Variants in PCDHB9 observed in about 807,000 individuals in gnomAD.
PCDHB9 encodes protocadherin beta-9.
For synonymous variants in PCDHB9, 501 were observed against 439.7 expected (o/e 1.14, Z -1.75); for missense variants, 1,072 against 995.1 (o/e 1.08, Z -1.04).
Position 141,189,781 on chromosome 5 carries a change from C to T in PCDHB9, c.*69C>T. 7.6e-7 allele frequency: 1 copy of T among 1,316,816 alleles called. No homozygotes were observed. The highest frequency in any genetic ancestry group is 1.0e-6 in the Non-Finnish European group (1 of 955,290). 81.6% of individuals were successfully genotyped at this position (1,316,816 alleles called of 1,614,324 possible). A position where few individuals can be genotyped will look rare whatever the true frequency, so the allele number is the denominator to read the frequency against. On this transcript the variant is annotated 3_prime_UTR_variant, in exon 1 of 1. Coordinates refer to ENST00000316105, the MANE Select transcript of PCDHB9 (RefSeq NM_019119.5). ...TTGTTGGCTAACTAAATTGTGTATG[C>T]CCACCACAAAGAAGGTACTATTTTT...
In PCDHB9 at chr5:141,191,027, G is replaced by A. The variant is rs1260452469; in HGVS notation, c.*1315G>A. 1 of 152,160 alleles carries A rather than the reference G, an allele frequency of 6.6e-6. No homozygotes were observed. The highest frequency in any genetic ancestry group is 1.5e-5 in the Non-Finnish European group (1 of 68,072). The allele number at this position is 152,160 out of a possible 1,614,324, so 9.4% of individuals were successfully genotyped here. On this transcript the variant is annotated 3_prime_UTR_variant, in exon 1 of 1. Transcript: ENST00000316105. ...CCCAGCACTTTGGGAGGCCAAGGCG[G>A]GCAGATCACCTTAGGTCACGAGTTT...
chr5:141,188,022 T>G lies in PCDHB9; in HGVS notation c.704T>G (p.Val235Gly). Residue 235 changes from valine (V) to glycine (G), a missense_variant, in exon 1 of 1, where the codon GTC becomes GGC. Transcript: ENST00000316105. ...ACTATACGCATTGTGGTCTTGGATG[T>G]CAATGACAATGTCCCACAGTTTGCC... ...TSTIRIVVLD[V>G]NDNVPQFAQA... is the part of the protein sequence containing the mutation. 6.2e-7 allele frequency: 1 copy of G among 1,614,048 alleles called. No individual in the cohort carries two copies. Among genetic ancestry groups the G allele is most frequent in the South Asian group, 1.1e-5 (1 of 91,070 alleles).
Position 141,189,355 on chromosome 5 carries a change from C to A in PCDHB9, c.2037C>A (p.Ala679=), listed in dbSNP as rs782641634. ...PYLPLPEAAP[A]QAQADLLTVY... The stretch of plus-strand genomic sequence containing the variant: ...TGCCTCTCCCGGAGGCGGCCCCGGC[C>A]CAGGCCCAGGCCGACTTGCTCACCG... Residue 679 remains alanine, a synonymous_variant, in exon 1 of 1, where the codon GCC becomes GCA. Transcript: ENST00000316105. The A allele has an allele frequency of 6.2e-7, 1 of 1,611,402 alleles. No individual in the cohort carries two copies. Among genetic ancestry groups the A allele is most frequent in the Non-Finnish European group, 8.5e-7 (1 of 1,179,796 alleles).
rs1554283133 is a variant in PCDHB9 at position 141,188,822 on chromosome 5, T to C, written c.1504T>C (p.Ser502Pro). The C allele has an allele frequency of 1.9e-6, 3 of 1,612,770 alleles. No homozygotes were observed. Among genetic ancestry groups the C allele is most frequent in the Admixed American group, 3.3e-5 (2 of 60,000 alleles). ...CCAGGACCCACACCTGCCCCTCGCC[T>C]CCCTGGTCTCCATCAACGCGGACAA... ...PPQDPHLPLA[S>P]LVSINADNGH... The change falls in exon 1 of 1, where the codon TCC becomes CCC. Residue 502 changes from serine (S) to proline (P), a missense_variant. Physicochemically the swap from Ser to Pro is moderately conservative, Grantham distance 74. Transcript: ENST00000316105.
chr5:141,187,945 C>T lies in PCDHB9; in HGVS notation c.627C>T (p.Ser209=), dbSNP rs782526917. The T allele has an allele frequency of 3.1e-6, 5 of 1,614,150 alleles. No individual in the cohort carries two copies. The highest frequency in any genetic ancestry group is 4.2e-6 in the Non-Finnish European group (5 of 1,180,026). ...ALDREEQEEL[S]LTLTALDGGS... ...ATCGGGAGGAGCAGGAAGAGCTCAG[C>T]TTAACCCTCACAGCGCTGGATGGTG... Residue 209 remains serine (S), a synonymous_variant, in exon 1 of 1, where the codon AGC becomes AGT. Transcript: ENST00000316105.
Position 141,187,256 on chromosome 5 carries a change from T to A in PCDHB9, c.-63T>A. The A allele has an allele frequency of 1.3e-6, 2 of 1,515,984 alleles. No homozygotes were observed. The highest frequency in any genetic ancestry group is 1.8e-6 in the Non-Finnish European group (2 of 1,116,458). The allele number at this position is 1,515,984 out of a possible 1,614,324, so 93.9% of individuals were successfully genotyped here. A position where few individuals can be genotyped will look rare whatever the true frequency, so the allele number is the denominator to read the frequency against. Reference sequence around the variant, plus strand: ...GATCTCTGGTACACATAAGTCTGGGTTTGCGATTGCTATTTGTGCTGGGGC... The same window carrying A: ...GATCTCTGGTACACATAAGTCTGGGATTGCGATTGCTATTTGTGCTGGGGC... On this transcript the variant is annotated 5_prime_UTR_variant, in exon 1 of 1. Coordinates refer to ENST00000316105, the MANE Select transcript of PCDHB9 (RefSeq NM_019119.5).
Position 141,188,426 on chromosome 5 carries a change from A to G in PCDHB9, c.1108A>G (p.Ile370Val). 1 of 1,614,166 alleles carries G rather than the reference A, an allele frequency of 6.2e-7. No individual in the cohort carries two copies. Among genetic ancestry groups the G allele is most frequent in the South Asian group, 1.1e-5 (1 of 91,082 alleles). ...SPGIVLAVFK[I>V]KDRDSGENGK... ...TGGGATAGTATTGGCTGTTTTTAAG[A>G]TTAAAGACAGAGACTCCGGAGAAAA... The change falls in exon 1 of 1, where the codon ATT becomes GTT. Residue 370 changes from isoleucine (I) to valine (V), a missense_variant. Coordinates refer to ENST00000316105, the MANE Select transcript of PCDHB9 (RefSeq NM_019119.5).
In PCDHB9 at chr5:141,189,496, G is replaced by T; in HGVS notation, c.2178G>T (p.Ser726=). ...RSRAASVGRC[S]VPEGPFPGHL... ...GGGCGGCCTCGGTGGGTCGCTGCTC[G>T]GTGCCCGAGGGTCCTTTTCCAGGGC... is the stretch of plus-strand genomic sequence containing the variant. The change falls in exon 1 of 1, where the codon TCG becomes TCT. Residue 726 remains serine (S), a synonymous_variant. Coordinates refer to ENST00000316105, the MANE Select transcript of PCDHB9 (RefSeq NM_019119.5). The T allele has an allele frequency of 6.2e-7, 1 of 1,613,198 alleles. No homozygotes were observed. The highest frequency in any genetic ancestry group is 8.5e-7 in the Non-Finnish European group (1 of 1,179,890).
In PCDHB9 at chr5:141,187,171, A is replaced by G. The variant is rs1554282717; in HGVS notation, c.-148A>G. 8.6e-7 allele frequency: 1 copy of G among 1,159,384 alleles called. No homozygotes were observed. The allele number at this position is 1,159,384 out of a possible 1,614,324, so 71.8% of individuals were successfully genotyped here. On this transcript the variant is annotated 5_prime_UTR_variant, in exon 1 of 1. The change abolishes an upstream ATG in the 5' untranslated region. Coordinates refer to ENST00000316105, the MANE Select transcript of PCDHB9 (RefSeq NM_019119.5). ...TGACAAAAAGGAAACACTGAGACAG[A>G]TGGGCTGAGAAGAAGAGCTGTCGAG...
rs781922585 is a variant in PCDHB9 at position 141,189,499 on chromosome 5, G to A, written c.2181G>A (p.Val727=). Residue 727 remains valine (V), a synonymous_variant, in exon 1 of 1, where the codon GTG becomes GTA. Coordinates refer to ENST00000316105, the MANE Select transcript of PCDHB9 (RefSeq NM_019119.5). ...SRAASVGRCS[V]PEGPFPGHLV... is the part of the protein sequence containing the mutation. ...CGGCCTCGGTGGGTCGCTGCTCGGTGCCCGAGGGTCCTTTTCCAGGGCATC... is the reference window on the plus strand; with the variant it reads ...CGGCCTCGGTGGGTCGCTGCTCGGTACCCGAGGGTCCTTTTCCAGGGCATC... 6.2e-7 allele frequency: 1 copy of A among 1,613,356 alleles called. No individual in the cohort carries two copies. The highest frequency in any genetic ancestry group is 8.5e-7 in the Non-Finnish European group (1 of 1,179,918).
chr5:141,188,144 G>C lies in PCDHB9; in HGVS notation c.826G>C (p.Glu276Gln), dbSNP rs1753786905. 25 of 1,611,670 alleles carry C rather than the reference G, an allele frequency of 1.6e-5. No individual in the cohort carries two copies. Among genetic ancestry groups the C allele is most frequent in the Non-Finnish European group, 2.1e-5 (25 of 1,178,640 alleles). The change falls in exon 1 of 1, where the codon GAA (glutamate) becomes CAA (glutamine). Residue 276 changes from glutamate (E) to glutamine (Q), a missense_variant. Physicochemically the swap from Glu to Gln is conservative, Grantham distance 29. Transcript: ENST00000316105. ...AGDADSGVNA[E>Q]VSYSFFDASE... is the part of the protein sequence containing the mutation. ...AGATGCAGACTCAGGAGTCAATGCA[G>C]AAGTATCCTATTCATTTTTTGATGC...
Position 141,188,367 on chromosome 5 carries a change from C to A in PCDHB9, c.1049C>A (p.Ser350Ter), listed in dbSNP as rs1302405292. 2 of 1,613,994 alleles carry A rather than the reference C, an allele frequency of 1.2e-6. No individual in the cohort carries two copies. Among genetic ancestry groups the A allele is most frequent in the African/African-American group, 1.3e-5 (1 of 75,032 alleles). The part of the protein sequence containing the change: ...SNDNPPELII[S>*]SLSNSVAENS... ...GACAATCCTCCTGAACTGATCATAT[C>A]ATCACTTTCCAACTCTGTTGCTGAA... Residue 350 changes from serine (S) to a stop codon, truncating the protein, a stop_gained, in exon 1 of 1, where the codon TCA becomes TAA. Coordinates refer to ENST00000316105, the MANE Select transcript of PCDHB9 (RefSeq NM_019119.5). LOFTEE classifies it low-confidence loss of function (END_TRUNC).
In PCDHB9 at chr5:141,189,289, G is replaced by A; in HGVS notation, c.1971G>A (p.Thr657=). ...AGCCTCCTCGCTCGGCCACCGCCAC[G>A]CTGCACGTGCTCCTGGTGGACGGCT... The part of the protein sequence containing the change: ...NGEPPRSATA[T]LHVLLVDGFS... Residue 657 remains threonine (T), a synonymous_variant, in exon 1 of 1, where the codon ACG becomes ACA. Transcript: ENST00000316105. 2 of 1,609,094 alleles carry A rather than the reference G, an allele frequency of 1.2e-6. No homozygotes were observed. The highest frequency in any genetic ancestry group is 1.7e-6 in the Non-Finnish European group (2 of 1,179,734).
chr5:141,187,569 T>C lies in PCDHB9; in HGVS notation c.251T>C (p.Leu84Ser). ...YLLLDSHTGN[L>S]LTNEKLDREK... Reference sequence around the variant, plus strand: ...CTCCTGGATTCACATACCGGGAATTTGCTCACAAATGAGAAACTGGACCGA... The same window carrying C: ...CTCCTGGATTCACATACCGGGAATTCGCTCACAAATGAGAAACTGGACCGA... Residue 84 changes from leucine (L) to serine (S), a missense_variant, in exon 1 of 1, where the codon TTG (leucine) becomes TCG (serine). Leu to Ser is a moderately radical substitution (Grantham distance 145, BLOSUM62 -2). Transcript: ENST00000316105. 6.2e-7 allele frequency: 1 copy of C among 1,609,234 alleles called. No homozygotes were observed. The highest frequency in any genetic ancestry group is 8.5e-7 in the Non-Finnish European group (1 of 1,176,374).
Position 141,188,623 on chromosome 5 carries a change from C to G in PCDHB9, c.1305C>G (p.His435Gln), listed in dbSNP as rs782199629. ...GGACACCCAGGCTGAAAACCGAGCA[C>G]AGCATAACCCTGCAGGTCTCCGACG... The part of the protein sequence containing the change: ...DLGTPRLKTE[H>Q]SITLQVSDVN... The change falls in exon 1 of 1, where the codon CAC becomes CAG. Residue 435 changes from histidine (H) to glutamine (Q), a missense_variant. His to Gln is a conservative substitution (Grantham distance 24). Coordinates refer to ENST00000316105, the MANE Select transcript of PCDHB9 (RefSeq NM_019119.5). 1.2e-6 allele frequency: 2 copies of G among 1,614,196 alleles called. No homozygotes were observed. Among genetic ancestry groups the G allele is most frequent in the East Asian group, 2.2e-5 (1 of 44,880 alleles).
At position 141,187,906 on chromosome 5, in the gene PCDHB9, G is replaced by A; in HGVS notation, c.588G>A (p.Leu196=). ...DEGMIYPELV[L]DKALDREEQE... ...GCATGATATATCCAGAGCTAGTGTT[G>A]GACAAAGCACTGGATCGGGAGGAGC... The change falls in exon 1 of 1, where the codon TTG becomes TTA. Residue 196 remains leucine (L), a synonymous_variant. Transcript: ENST00000316105. 6.2e-7 allele frequency: 1 copy of A among 1,614,126 alleles called. No homozygotes were observed. Among genetic ancestry groups the A allele is most frequent in the Non-Finnish European group, 8.5e-7 (1 of 1,180,024 alleles).
rs1293422583 is a variant in PCDHB9 at position 141,189,817 on chromosome 5, A to G, written c.*105A>G. On this transcript the variant is annotated 3_prime_UTR_variant, in exon 1 of 1. Transcript: ENST00000316105. ...GAAGGTACTATTTTTTGTTTGATTC[A>G]TCTTCAACTTTGCGTATTATGCTTA... 4.9e-6 allele frequency: 5 copies of G among 1,022,350 alleles called. 1 individual carries two copies. Among genetic ancestry groups the G allele is most frequent in the Middle Eastern group, 5.2e-4 (2 of 3,828 alleles). The allele number at this position is 1,022,350 out of a possible 1,614,324, so 63.3% of individuals were successfully genotyped here.
Position 141,187,923 on chromosome 5 carries a change from G to C in PCDHB9, c.605G>C (p.Arg202Pro), listed in dbSNP as rs782097852. The stretch of plus-strand genomic sequence containing the variant: ...CTAGTGTTGGACAAAGCACTGGATC[G>C]GGAGGAGCAGGAAGAGCTCAGCTTA... ...PELVLDKALD[R>P]EEQEELSLTL... The change falls in exon 1 of 1, where the codon CGG becomes CCG. Residue 202 changes from arginine to proline, a missense_variant. By Grantham distance (103) the Arg-to-Pro change is moderately radical. Coordinates refer to ENST00000316105, the MANE Select transcript of PCDHB9 (RefSeq NM_019119.5). The C allele has an allele frequency of 9.9e-6, 16 of 1,614,008 alleles. No individual in the cohort carries two copies. The highest frequency in any genetic ancestry group is 4.5e-5 in the East Asian group (2 of 44,882).
At position 141,188,030 on chromosome 5, in the gene PCDHB9, A is replaced by G. The variant is rs1478096874; in HGVS notation, c.712A>G (p.Asn238Asp). 6.2e-7 allele frequency: 1 copy of G among 1,614,092 alleles called. No individual in the cohort carries two copies. The highest frequency in any genetic ancestry group is 2.2e-5 in the East Asian group (1 of 44,878). The stretch of plus-strand genomic sequence containing the variant: ...CATTGTGGTCTTGGATGTCAATGAC[A>G]ATGTCCCACAGTTTGCCCAGGCTCT... ...IRIVVLDVNDNVPQFAQALYE... is the reference protein window; with the variant it reads ...IRIVVLDVNDDVPQFAQALYE... Residue 238 changes from asparagine to aspartate, a missense_variant, in exon 1 of 1, where the codon AAT (asparagine) becomes GAT (aspartate). By Grantham distance (23) the Asn-to-Asp change is conservative. Coordinates refer to ENST00000316105, the MANE Select transcript of PCDHB9 (RefSeq NM_019119.5).
Sources: gnomAD v4.1 joint callset for allele counts on GRCh38, gnomAD v4.1.1 for gene constraint, MANE v1.5 for transcripts, NCBI Gene and HGNC (gene_info 2026-07-23, HGNC 2026-07-21) for gene names.